The following KIF1B variants were observed in gnomAD, a reference collection of about 807,000 sequenced individuals.
KIF1B encodes the protein kinesin family member 1B.
In KIF1B, 76 loss-of-function variants were observed where a neutral mutation model predicts 241.9. The observed-to-expected ratio is 0.31, with a 90% CI of 0.26 to 0.38. The LOEUF is 0.38. Among genes scored for constraint, KIF1B ranks in the 10% least tolerant of loss-of-function variants. The probability of loss-of-function intolerance (pLI) is 1.00; values close to 1 mark genes in which losing one functional copy is unlikely to be tolerated. For missense variants in KIF1B, 1,622 were observed against 2,271.4 expected (o/e 0.71, Z 5.81); for synonymous variants, 750 against 796.7 (o/e 0.94, Z 0.99).
chr1:10,247,373 G>A (rs1647237489), intron 2 of KIF1B, among the ~76,000 whole-genome samples: 1 of 151,992 alleles, frequency 6.6e-6, no homozygotes, highest in African/African-American at 2.4e-5. Context: ...ATCTAAAATA[G>A]CCACTTCTAC....
At position 10,337,057 on chromosome 1, in the gene KIF1B, C is replaced by T. The variant is rs1652206460; in HGVS notation, c.3130-17C>T. On this transcript the variant is annotated splice_polypyrimidine_tract_variant and intron_variant, in intron 29 of 48. Transcript: ENST00000676179. This position sits in a 1 kb window ranked among gnomAD's most constrained non-coding sequence, Gnocchi z 4.0. ...TTATACTACTTTACCATGTATCTGC[C>T]CCTGCCTTTTTTTCAGAGTGACTTT... 2.5e-6 allele frequency: 4 copies of T among 1,614,018 alleles called. No homozygotes were observed. The highest frequency in any genetic ancestry group is 3.4e-6 in the Non-Finnish European group (4 of 1,179,994).
intron 37 of KIF1B, among the ~76,000 whole-genome samples, chr1:10,349,151 T>C (rs939297242): frequency 1.6e-4 from 24 of 152,156 alleles, no homozygotes. Context: ...AAAAGAAATC[T>C]CTGCTGGCTG....
intron 44 of KIF1B, among the ~76,000 whole-genome samples, chr1:10,370,135 C>T (rs1569920035): frequency 6.8e-6 from 1 of 147,418 alleles, no homozygotes; most frequent in South Asian, 2.2e-4. Flanking sequence ...TGCCTGTAAT[C>T]CCAGCTACTC....
Position 10,303,199 on chromosome 1 carries a change from A to C in KIF1B, c.2115+5953A>C. The C allele has an allele frequency of 6.2e-7, 1 of 1,613,958 alleles. No homozygotes were observed. The highest frequency in any genetic ancestry group is 8.5e-7 in the Non-Finnish European group (1 of 1,179,940). On this transcript the variant is annotated intron_variant, in intron 22 of 48. Coordinates refer to ENST00000676179, the MANE Select transcript of KIF1B (RefSeq NM_001365951.3). The surrounding 1 kb of genome is among the most constrained non-coding windows in gnomAD (Gnocchi z 5.2). ...TGATAGCGGGGACGATTCTGACAAG[A>C]GGTCGTGTGAAGAGAGCTGGAAACT...
At chr1:10,259,268 A>C (rs1003681990) in intron 4 of KIF1B, among the ~76,000 whole-genome samples, 3 of 150,508 alleles carry the variant, frequency 2.0e-5, no homozygotes, top group Non-Finnish European at 4.4e-5. Flanking sequence ...TATTCGTTTC[A>C]CTTAGGATTT....
At chr1:10,298,822 T>C (rs1650395187) in intron 22 of KIF1B, 1 of 152,014 alleles carries the variant, frequency 6.6e-6, no homozygotes. Context: ...TACTTATGCA[T>C]ATGTATAAGT....
At chr1:10,240,005 A>G (rs1281083061) in intron 2 of KIF1B, among the ~76,000 whole-genome samples, 1 of 151,936 alleles carries the variant, frequency 6.6e-6, no homozygotes, top group East Asian at 1.9e-4. Context: ...TGACCTCGTG[A>G]TCAGCCTGCC....
intron 16 of KIF1B, 141 bp from the exon 17 acceptor site, chr1:10,291,906 G>A (rs755388008): frequency 4.2e-5 from 30 of 706,092 alleles, no homozygotes; most frequent in Non-Finnish European, 6.4e-5. Flanking sequence ...GATGAGATAA[G>A]CACATTATTT....
At chr1:10,295,634 T>G (rs760996548) in intron 18 of KIF1B, 26 bp from the exon 19 acceptor site, 1 of 1,602,262 alleles carries the variant, frequency 6.2e-7, no homozygotes, top group South Asian at 1.1e-5. Flanking sequence ...TGAATTTCCC[T>G]GGGAAACACT....
At chr1:10,271,951 G>T (rs747778320) in intron 8 of KIF1B, among the ~76,000 whole-genome samples, 2 of 152,210 alleles carry the variant, frequency 1.3e-5, no homozygotes, top group Non-Finnish European at 2.9e-5. Context: ...ACAAGATTCA[G>T]ATGTGAGAAC....
At chr1:10,254,218 A>C (rs1647628831) in intron 2 of KIF1B, among the ~76,000 whole-genome samples, 1 of 152,242 alleles carries the variant, frequency 6.6e-6, no homozygotes, top group Admixed American at 6.5e-5. Context: ...GATTAATGAC[A>C]TGATAAATCA....
chr1:10,278,065 A>C lies in KIF1B; in HGVS notation c.1117A>C (p.Lys373Gln). 1 of 1,614,100 alleles carries C rather than the reference A, an allele frequency of 6.2e-7. No individual in the cohort carries two copies. Among genetic ancestry groups the C allele is most frequent in the East Asian group, 2.2e-5 (1 of 44,876 alleles). ...CAATGCCAAACTGGTTCGTGAATTAAAGGAGGAGGTGACACGGCTGAAGGA... is the reference window on the plus strand; with the variant it reads ...CAATGCCAAACTGGTTCGTGAATTACAGGAGGAGGTGACACGGCTGAAGGA... ...DPNAKLVREL[K>Q]EEVTRLKDLL... Residue 373 changes from lysine to glutamine, a missense_variant, in exon 13 of 49, where the codon AAG becomes CAG. Physicochemically the swap from Lys to Gln is moderately conservative, Grantham distance 53. Coordinates refer to ENST00000676179, the MANE Select transcript of KIF1B (RefSeq NM_001365951.3).
intron 17 of KIF1B, among the ~76,000 whole-genome samples, chr1:10,293,427 C>CA (rs1650109967): frequency 7.1e-6 from 1 of 140,698 alleles, no homozygotes; most frequent in African/African-American, 2.6e-5. Flanking sequence ...GACAGAGTCT[C>CA]ACTCTGTCGC....
chr1:10,215,404 G>A (rs937354537), intron 1 of KIF1B, among the ~76,000 whole-genome samples: 3 of 151,222 alleles, frequency 2.0e-5, no homozygotes, highest in African/African-American at 4.9e-5. Flanking sequence ...TCGAACTCCC[G>A]ACCTCAGGTG....
Position 10,326,369 on chromosome 1 carries a change from G to A in KIF1B, c.2924+10G>A, listed in dbSNP as rs1557715881. ...TCATTTTAGTGGGAAGGTTGGTGAG[G>A]TTATTGTGAGAAAGGCGAAAAGGGA... On this transcript the variant is annotated intron_variant, in intron 27 of 48. Coordinates refer to ENST00000676179, the MANE Select transcript of KIF1B (RefSeq NM_001365951.3). This position sits in a 1 kb window ranked among gnomAD's most constrained non-coding sequence, Gnocchi z 5.2. 1 of 1,614,114 alleles carries A rather than the reference G, an allele frequency of 6.2e-7. No individual in the cohort carries two copies. Among genetic ancestry groups the A allele is most frequent in the Admixed American group, 1.7e-5 (1 of 60,016 alleles).
At position 10,361,040 on chromosome 1, in the gene KIF1B, A is replaced by T. The variant is rs1638408619; in HGVS notation, c.4167A>T (p.Leu1389=). 1 of 1,596,320 alleles carries T rather than the reference A, an allele frequency of 6.3e-7. No individual in the cohort carries two copies. ...EKIYMTLSAY[L]ELDHCIQPAV... ...TCTACATGACCTTGTCGGCCTACCTAGAGGTGAGGAGACTTGGAACTTCAG... is the reference window on the plus strand; with the variant it reads ...TCTACATGACCTTGTCGGCCTACCTTGAGGTGAGGAGACTTGGAACTTCAG... The change falls in exon 39 of 49, where the codon CTA becomes CTT. Residue 1389 remains leucine (L), a synonymous_variant. Coordinates refer to ENST00000676179, the MANE Select transcript of KIF1B (RefSeq NM_001365951.3).
intron 1 of KIF1B, among the ~76,000 whole-genome samples, chr1:10,226,995 A>C (rs74750821): frequency 2.0e-5 from 3 of 151,704 alleles, no homozygotes; most frequent in Admixed American, 2.0e-4. Context: ...AAACAAAAAA[A>C]TACATTGTAT....
intron 1 of KIF1B, among the ~76,000 whole-genome samples, chr1:10,220,389 TAGATAGATGATA>T (rs773868954): frequency 3.0e-5 from 4 of 132,098 alleles, no homozygotes; most frequent in Admixed American, 7.9e-5. Context: ...GATAGATAGA[TAGATAGATGATA>T]GATAGATAGA....
chr1:10,264,883 G>A (rs887445924), intron 5 of KIF1B, among the ~76,000 whole-genome samples: 3 of 152,072 alleles, frequency 2.0e-5, no homozygotes, highest in Non-Finnish European at 4.4e-5. Context: ...GGCTGGTCTC[G>A]AACTCCTGAC....
Sources: allele counts gnomAD v4.1 joint callset (sites outside exome capture counted in the v4.1 genomes callset), GRCh38; gene constraint gnomAD v4.1.1; non-coding constraint Gnocchi (gnomAD v3.1); transcripts MANE v1.5; gene names NCBI Gene and HGNC (gene_info 2026-07-23, HGNC 2026-07-21).